PPARGC1A: variants seen among roughly 807,000 people sequenced by gnomAD.
PPARGC1A encodes the protein peroxisome proliferator-activated receptor gamma coactivator 1-alpha.
In PPARGC1A, 25 loss-of-function variants were observed where a neutral mutation model predicts 88.7. The observed-to-expected ratio is 0.28, with a 90% CI of 0.21 to 0.39. The LOEUF (loss-of-function observed/expected upper bound fraction) is 0.39. PPARGC1A is among the 10% of genes least tolerant of loss of function. The probability of loss-of-function intolerance (pLI) is 1.00; values close to 1 mark genes in which losing one functional copy is unlikely to be tolerated. For synonymous variants in PPARGC1A, 363 were observed against 355.6 expected (o/e 1.02, Z -0.24); for missense variants, 880 against 968.7 (o/e 0.91, Z 1.22).
the PPARGC1A span, among the ~76,000 whole-genome samples, chr4:24,212,431 C>T: frequency 6.6e-6 from 1 of 152,310 alleles, no homozygotes; most frequent in Admixed American, 6.5e-5. Flanking sequence ...GGACAAGTTA[C>T]TTAACCTCTC....
intron 2 of PPARGC1A, among the ~76,000 whole-genome samples, chr4:23,865,573 G>T (rs1028419384): frequency 4.6e-5 from 7 of 152,136 alleles, no homozygotes; most frequent in Non-Finnish European, 8.8e-5. Context: ...AATTTCCTTG[G>T]GTGGCATTCT....
the PPARGC1A span, among the ~76,000 whole-genome samples, chr4:24,333,185 A>G: frequency 6.6e-6 from 1 of 152,266 alleles, no homozygotes; most frequent in Middle Eastern, 3.4e-3. Context: ...TGGTGGTTAC[A>G]CTGAGCTGAG....
At chr4:24,166,881 A>C in the PPARGC1A span, among the ~76,000 whole-genome samples, 1,411 of 152,308 alleles carry the variant, frequency 9.3e-3, 16 homozygotes, top group Non-Finnish European at 0.017. Flanking sequence ...TAAATATACA[A>C]TGCTTCTCAT....
the PPARGC1A span, among the ~76,000 whole-genome samples, chr4:24,109,002 A>AC: frequency 6.7e-6 from 1 of 150,036 alleles, no homozygotes; most frequent in Non-Finnish European, 1.5e-5. Flanking sequence ...AAAATCACAC[A>AC]CACACACACA....
the PPARGC1A span, among the ~76,000 whole-genome samples, chr4:24,381,852 A>C: frequency 6.6e-6 from 1 of 152,252 alleles, no homozygotes; most frequent in Non-Finnish European, 1.5e-5. Flanking sequence ...TTTATAGTAC[A>C]AAGTAGTTGA....
At chr4:24,303,576 A>T in the PPARGC1A span, among the ~76,000 whole-genome samples, 1 of 152,248 alleles carries the variant, frequency 6.6e-6, no homozygotes, top group Non-Finnish European at 1.5e-5. Flanking sequence ...GTCACTTTCC[A>T]TTAGGTAACA....
At chr4:23,944,098 TTA>T in the PPARGC1A span, among the ~76,000 whole-genome samples, 3 of 152,118 alleles carry the variant, frequency 2.0e-5, no homozygotes, top group Non-Finnish European at 2.9e-5. Context: ...AAAGTAGAGT[TTA>T]GTTAATAGTC....
the PPARGC1A span, among the ~76,000 whole-genome samples, chr4:24,278,167 C>A: frequency 6.6e-6 from 1 of 150,570 alleles, no homozygotes; most frequent in Non-Finnish European, 1.5e-5. Context: ...ATCCTGTCTC[C>A]AAAAAAAAAT....
At chr4:24,209,071 G>A in the PPARGC1A span, among the ~76,000 whole-genome samples, 7 of 152,032 alleles carry the variant, frequency 4.6e-5, no homozygotes, top group Non-Finnish European at 7.4e-5. Flanking sequence ...AGGCCTTGTC[G>A]AAGTCATCGG....
At chr4:24,096,157 C>T in the PPARGC1A span, among the ~76,000 whole-genome samples, 12 of 152,168 alleles carry the variant, frequency 7.9e-5, no homozygotes, top group Admixed American at 5.2e-4. Context: ...CTTCCCTCTT[C>T]GCTTTCTCTC....
the PPARGC1A span, among the ~76,000 whole-genome samples, chr4:24,316,513 T>C: frequency 6.6e-6 from 1 of 152,246 alleles, no homozygotes; most frequent in Non-Finnish European, 1.5e-5. Context: ...TTTTCCTAGA[T>C]ATTAATATAA....
chr4:24,346,889 T>A, the PPARGC1A span, among the ~76,000 whole-genome samples: 1 of 152,188 alleles, frequency 6.6e-6, no homozygotes, highest in East Asian at 1.9e-4. Flanking sequence ...TCTTTCAGAC[T>A]TTTTGATGTA....
the PPARGC1A span, among the ~76,000 whole-genome samples, chr4:24,284,954 G>A: frequency 2.0e-5 from 3 of 152,146 alleles, no homozygotes; most frequent in Admixed American, 2.0e-4. Flanking sequence ...TTTGAACCCA[G>A]GAGGTGGAGG....
intron 2 of PPARGC1A, among the ~76,000 whole-genome samples, chr4:23,840,610 A>G (rs113280005): frequency 1.1e-3 from 163 of 152,076 alleles, no homozygotes; most frequent in African/African-American, 3.7e-3. Context: ...CTGACTCAAC[A>G]TATGTTTTAG....
the PPARGC1A span, among the ~76,000 whole-genome samples, chr4:23,977,649 C>A: frequency 6.6e-6 from 1 of 152,134 alleles, no homozygotes; most frequent in Non-Finnish European, 1.5e-5. Context: ...ATGGAAAAAA[C>A]CTGCTTGTCC....
At chr4:23,868,281 G>A (rs1712488859) in intron 2 of PPARGC1A, among the ~76,000 whole-genome samples, 1 of 152,136 alleles carries the variant, frequency 6.6e-6, no homozygotes, top group Admixed American at 6.5e-5. Flanking sequence ...CTGAGTTAGG[G>A]GGTAAGTTCA....
At chr4:23,875,263 T>C (rs148433672) in intron 2 of PPARGC1A, among the ~76,000 whole-genome samples, 4 of 152,334 alleles carry the variant, frequency 2.6e-5, no homozygotes, top group African/African-American at 7.2e-5. Flanking sequence ...AGGATGTTCT[T>C]GTAATTCTTT....
the PPARGC1A span, among the ~76,000 whole-genome samples, chr4:23,991,882 A>C: frequency 6.6e-6 from 1 of 152,140 alleles, no homozygotes; most frequent in Admixed American, 6.6e-5. Context: ...AAAGAAAAAA[A>C]TAGCAAGAAA....
the PPARGC1A span, among the ~76,000 whole-genome samples, chr4:24,059,722 G>T: frequency 1.3e-5 from 2 of 152,128 alleles, no homozygotes; most frequent in African/African-American, 4.8e-5. Flanking sequence ...AACCACATTC[G>T]CAATTCTGGA....
Sources: gnomAD v4.1 joint callset for allele counts (sites outside exome capture counted in the v4.1 genomes callset) on GRCh38, gnomAD v4.1.1 for gene constraint, MANE v1.5 for transcripts, NCBI Gene and HGNC (gene_info 2026-07-23, HGNC 2026-07-21) for gene names.